Variants in DDX25 observed in about 807,000 individuals in gnomAD.
The protein encoded by DDX25 is DEAD-box helicase 25.
A neutral mutation model predicts 64.6 loss-of-function variants in DDX25; 70 were observed. The observed-to-expected ratio is 1.08, with a 90% CI of 0.89 to 1.32. The LOEUF is 1.32. DDX25 is among the 40% of genes most tolerant of loss of function. The pLI, the probability that DDX25 is intolerant of heterozygous loss-of-function variation, is 0.00. For missense variants in DDX25, 587 were observed against 604.4 expected, an observed-to-expected ratio of 0.97 and a Z score of 0.30; for synonymous variants, 211 against 213.3, an observed-to-expected ratio of 0.99 and a Z score of 0.09.
chr11:125,907,601 C>G (rs1485804281), intron 4 of DDX25, among the ~76,000 whole-genome samples: 1 of 147,462 alleles, frequency 6.8e-6, no homozygotes, highest in Non-Finnish European at 1.5e-5. Flanking sequence ...GAGCAAGACT[C>G]CGTCTCAAAA....
intron 9 of DDX25, among the ~76,000 whole-genome samples, chr11:125,917,656 G>A (rs1163318272): frequency 6.6e-6 from 1 of 151,894 alleles, no homozygotes; most frequent in Non-Finnish European, 1.5e-5. Flanking sequence ...TCACTACCCC[G>A]TAAACACTTT....
chr11:125,919,048 T>C (rs945078809), intron 10 of DDX25, among the ~76,000 whole-genome samples: 2 of 152,190 alleles, frequency 1.3e-5, no homozygotes, highest in Non-Finnish European at 2.9e-5. Flanking sequence ...AATCATACTG[T>C]ATATAGCCTT....
In DDX25 at chr11:125,923,151, T is replaced by C; in HGVS notation, c.*270T>C. 2.6e-6 allele frequency: 1 copy of C among 388,356 alleles called. No homozygotes were observed. The highest frequency in any genetic ancestry group is 4.0e-5 in the South Asian group (1 of 25,006). 24.1% of individuals were successfully genotyped at this position (388,356 alleles called of 1,614,324 possible). On this transcript the variant is annotated 3_prime_UTR_variant, in exon 12 of 12. Coordinates refer to ENST00000263576, the MANE Select transcript of DDX25 (RefSeq NM_013264.5). ...TGTCTCAATGTGGGCTATGGGGGTG[T>C]TTTTGGATTTGGTTGATACAATCTG...
rs370635916 is a variant in DDX25, at chr11:125,908,553, A to G, written c.507+50A>G. On this transcript the variant is annotated intron_variant, in intron 6 of 11. Coordinates refer to ENST00000263576, the MANE Select transcript of DDX25 (RefSeq NM_013264.5). ...GGGAATGCTTGCACTACCAGTGCTA[A>G]TTTAGTAATAGGTGATATTCCTGTG... is the stretch of plus-strand genomic sequence containing the variant. 7 of 1,494,218 alleles carry G rather than the reference A, an allele frequency of 4.7e-6. No individual in the cohort carries two copies. The African/African-American group carries it at 9.7e-5, about 21-fold the overall frequency. The allele number at this position is 1,494,218 out of a possible 1,614,324, so 92.6% of individuals were successfully genotyped here.
chr11:125,918,602 G>A (rs1410336498), intron 9 of DDX25, 26 bp from the exon 10 acceptor site: 3 of 1,606,888 alleles, frequency 1.9e-6, no homozygotes, highest in Non-Finnish European at 2.6e-6. Context: ...TTGGGGTGCT[G>A]TGTTGGGTTT....
intron 8 of DDX25, among the ~76,000 whole-genome samples, chr11:125,912,719 T>C (rs1265370551): frequency 1.3e-5 from 2 of 152,152 alleles, no homozygotes; most frequent in Non-Finnish European, 2.9e-5. Flanking sequence ...AAGCTTTTTC[T>C]TCTAGAAGTA....
At position 125,924,680 on chromosome 11, in the gene DDX25, C is replaced by T. The variant is rs1274023053; in HGVS notation, c.*1799C>T. The T allele has an allele frequency of 1.3e-5, 2 of 152,260 alleles. No individual in the cohort carries two copies. Among genetic ancestry groups the T allele is most frequent in the Non-Finnish European group, 2.9e-5 (2 of 68,080 alleles). The allele number at this position is 152,260 out of a possible 1,614,324, so 9.4% of individuals were successfully genotyped here. ...GGGAAAAAAATACAGATTTCCTTCC[C>T]CATGCAGATGAAAGCAGACTCTCCG... On this transcript the variant is annotated 3_prime_UTR_variant, in exon 12 of 12. Coordinates refer to ENST00000263576, the MANE Select transcript of DDX25 (RefSeq NM_013264.5).
intron 8 of DDX25, among the ~76,000 whole-genome samples, chr11:125,912,931 G>T (rs1347729837): frequency 6.6e-6 from 1 of 152,104 alleles, no homozygotes; most frequent in Non-Finnish European, 1.5e-5. Flanking sequence ...GCCGAGACGG[G>T]TGGATCACAA....
At chr11:125,910,570 C>T (rs1944953781) in intron 7 of DDX25, 92 bp downstream of exon 7, 1 of 1,067,128 alleles carries the variant, frequency 9.4e-7, no homozygotes. Flanking sequence ...ATTCTCATCT[C>T]TAAATGGGGG....
chr11:125,922,570 C>T (rs1446251544), intron 11 of DDX25: 2 of 395,280 alleles, frequency 5.1e-6, no homozygotes, highest in Non-Finnish European at 9.0e-6. Context: ...GCCTCAGTCC[C>T]TCCCAGGCTC....
intron 10 of DDX25, among the ~76,000 whole-genome samples, chr11:125,919,553 CTTTT>C (rs376752578): frequency 1.6e-5 from 2 of 126,938 alleles, no homozygotes; most frequent in African/African-American, 2.9e-5. Flanking sequence ...GAAAAAAATC[CTTTT>C]TTTTTTTTTT....
Position 125,921,307 on chromosome 11 carries a change from A to C in DDX25, c.1318A>C (p.Lys440Gln). ...CATAGGGCGGACGGGGCGCTTTGGG[A>C]AAAAAGGCCTTGCCTTCAACATGAT... ...HRIGRTGRFG[K>Q]KGLAFNMIEV... Residue 440 changes from lysine (K) to glutamine (Q), a missense_variant, in exon 11 of 12, where the codon AAA (lysine) becomes CAA (glutamine). Physicochemically the swap from Lys to Gln is moderately conservative, Grantham distance 53 (BLOSUM62 1). Transcript: ENST00000263576. The surrounding 1 kb of genome is among the most constrained non-coding windows in gnomAD (Gnocchi z 4.1). The C allele has an allele frequency of 6.2e-7, 1 of 1,613,146 alleles. No homozygotes were observed.
In DDX25 at chr11:125,911,402, G is replaced by A. The variant is rs1404242131; in HGVS notation, c.714G>A (p.Leu238=). Residue 238 remains leucine (L), a synonymous_variant, in exon 8 of 12, where the codon TTG becomes TTA. Coordinates refer to ENST00000263576, the MANE Select transcript of DDX25 (RefSeq NM_013264.5). ...DWCFKLKLID[L]TKIRVFVLDE... ...GTTTTAAACTAAAATTGATTGATTTGACTAAGATTCGTGTGTTTGTCCTGG... is the reference window on the plus strand; with the variant it reads ...GTTTTAAACTAAAATTGATTGATTTAACTAAGATTCGTGTGTTTGTCCTGG... 1 of 1,613,746 alleles carries A rather than the reference G, an allele frequency of 6.2e-7. No individual in the cohort carries two copies. Among genetic ancestry groups the A allele is most frequent in the Non-Finnish European group, 8.5e-7 (1 of 1,179,854 alleles).
Position 125,917,082 on chromosome 11 carries a change from C to A in DDX25, c.869C>A (p.Ala290Asp). Reference sequence around the variant, plus strand: ...TTTGAGGACTCTGTGTGGCACTTTGCTGAGCGAATCATCCCTGACCCTAAT... The same window carrying A: ...TTTGAGGACTCTGTGTGGCACTTTGATGAGCGAATCATCCCTGACCCTAAT... The part of the protein sequence containing the change: ...ATFEDSVWHF[A>D]ERIIPDPNVI... The change falls in exon 9 of 12, where the codon GCT becomes GAT. Residue 290 changes from alanine to aspartate, a missense_variant. Coordinates refer to ENST00000263576, the MANE Select transcript of DDX25 (RefSeq NM_013264.5). The A allele has an allele frequency of 6.2e-7, 1 of 1,610,262 alleles. No individual in the cohort carries two copies. Among genetic ancestry groups the A allele is most frequent in the Non-Finnish European group, 8.5e-7 (1 of 1,178,576 alleles).
intron 9 of DDX25, 77 bp from the exon 10 acceptor site, chr11:125,918,551 T>G: frequency 4.8e-5 from 50 of 1,049,918 alleles, no homozygotes; most frequent in Middle Eastern, 3.0e-4. Flanking sequence ...CCGCCCTGCA[T>G]GCATGGTGTC....
At position 125,916,589 on chromosome 11, in the gene DDX25, G is replaced by C. The variant is rs111414732; in HGVS notation, c.801-425G>C. Among the ~76,000 whole-genome samples, 6 of 152,312 alleles carry C rather than the reference G, an allele frequency of 3.9e-5. 1 individual carries two copies. The highest frequency in any genetic ancestry group is 2.6e-4 in the Admixed American group (4 of 15,298). ...GTTCTTCCCATTCTGAATCAAGTTA[G>C]TTGTGGTTGTTCTTTCCCTCCCAAG... On this transcript the variant is annotated intron_variant, in intron 8 of 11. Transcript: ENST00000263576.
rs1420359465 is a variant in DDX25, at chr11:125,923,706, T to C, written c.*825T>C. Reference sequence around the variant, plus strand: ...TCCCACAAGACCCATTGAGATACTTTTTAATTTTTCATATTTCCTACTCAA... The same window carrying C: ...TCCCACAAGACCCATTGAGATACTTCTTAATTTTTCATATTTCCTACTCAA... On this transcript the variant is annotated 3_prime_UTR_variant, in exon 12 of 12. Coordinates refer to ENST00000263576, the MANE Select transcript of DDX25 (RefSeq NM_013264.5). 1 of 152,224 alleles carries C rather than the reference T, an allele frequency of 6.6e-6. No homozygotes were observed. The highest frequency in any genetic ancestry group is 1.5e-5 in the Non-Finnish European group (1 of 68,040). 9.4% of individuals were successfully genotyped at this position (152,224 alleles called of 1,614,324 possible). A position where few individuals can be genotyped will look rare whatever the true frequency, so the allele number is the denominator to read the frequency against.
chr11:125,919,425 A>G lies in DDX25; in HGVS notation c.1201+635A>G, dbSNP rs145538452. 6.8e-3 allele frequency among the ~76,000 whole-genome samples: 1,029 copies of G among 152,174 alleles called. 13 individuals carry two copies. The highest frequency in any genetic ancestry group is 0.023 in the African/African-American group (945 of 41,494). Reference sequence around the variant, plus strand: ...ATTGCTAACGTCACTCTTAATTTTAACCATTCTAGTGGCTGTATACTGGGA... The same window carrying G: ...ATTGCTAACGTCACTCTTAATTTTAGCCATTCTAGTGGCTGTATACTGGGA... On this transcript the variant is annotated intron_variant, in intron 10 of 11. Coordinates refer to ENST00000263576, the MANE Select transcript of DDX25 (RefSeq NM_013264.5).
chr11:125,914,789 T>C (rs750640738), intron 8 of DDX25, among the ~76,000 whole-genome samples: 7 of 152,140 alleles, frequency 4.6e-5, no homozygotes, highest in Non-Finnish European at 8.8e-5. Flanking sequence ...CAGGCTGGAG[T>C]GCAGTGGCGC....
Sources: gnomAD v4.1 joint callset for allele counts (sites outside exome capture counted in the v4.1 genomes callset) on GRCh38, gnomAD v4.1.1 for gene constraint, Gnocchi (gnomAD v3.1) non-coding constraint, MANE v1.5 for transcripts, NCBI Gene and HGNC (gene_info 2026-07-23, HGNC 2026-07-21) for gene names.